Variants in LATS2 observed in about 807,000 individuals in gnomAD.
LATS2 encodes the protein large tumor suppressor kinase 2.
A neutral mutation model predicts 76.0 loss-of-function variants in LATS2; 24 were observed. The ratio of observed to expected loss-of-function variants is 0.32; its 90% CI spans 0.23 to 0.44. The LOEUF is 0.44. Among genes scored for constraint, LATS2 ranks in the 20% least tolerant of loss-of-function variants. The pLI, the probability that LATS2 is intolerant of heterozygous loss-of-function variation, is 1.00. For synonymous variants in LATS2, 692 were observed against 635.4 expected (o/e 1.09, Z -1.34); for missense variants, 1,286 against 1,481.2 (o/e 0.87, Z 2.16).
chr13:20,975,246 G>T lies in LATS2; in HGVS notation c.2891C>A (p.Ala964Asp), dbSNP rs377469118. Residue 964 changes from alanine to aspartate, a missense_variant, in exon 8 of 8, where the codon GCC becomes GAC. By Grantham distance (126) the Ala-to-Asp change is moderately radical. This residue lies in a region of LATS2 where 210 missense variants were observed against 234.9 expected (regional missense o/e 0.89). Transcript: ENST00000382592. Reference sequence around the variant, plus strand: ...GAAGGGGTGGGCCTTCAGGTCATCGGCCCCATTCCGCCCCAGGCGGTGGTC... The same window carrying T: ...GAAGGGGTGGGCCTTCAGGTCATCGTCCCCATTCCGCCCCAGGCGGTGGTC... Reference protein sequence around the residue: ...SADHRLGRNGADDLKAHPFFS... With the variant: ...SADHRLGRNGDDDLKAHPFFS... 320 of 1,614,110 alleles carry T rather than the reference G, an allele frequency of 2.0e-4. No individual in the cohort carries two copies. The highest frequency in any genetic ancestry group is 2.5e-4 in the Non-Finnish European group (300 of 1,180,044).
chr13:20,975,829 G>A (rs1047396470), intron 7 of LATS2, among the ~76,000 whole-genome samples: 21 of 152,060 alleles, frequency 1.4e-4, no homozygotes, highest in South Asian at 2.1e-4. Context: ...GATTACAGGC[G>A]CCTGCCACCA....
Position 20,987,224 on chromosome 13 carries a change from TAA to T in LATS2, c.1899+655_1899+656del, listed in dbSNP as rs11434989. On this transcript the variant is annotated intron_variant, in intron 4 of 7. Transcript: ENST00000382592. ...TAAATTAAAAAATAAAAAATAAAAA[TAA>T]AAAAAACACAAATGAAAAGTATATC... Among the ~76,000 whole-genome samples the T allele has an allele frequency of 4.6e-5, 6 of 129,938 alleles. No homozygotes were observed. The East Asian group carries it at 6.0e-4, about 13-fold the overall frequency. 85.2% of individuals were successfully genotyped at this position (129,938 alleles called of 152,430 possible).
chr13:20,984,087 T>A (rs116651324), intron 4 of LATS2, among the ~76,000 whole-genome samples: 1,687 of 152,290 alleles, frequency 0.011, 30 homozygotes, highest in African/African-American at 0.039. Flanking sequence ...CCCGCCACCA[T>A]GACACCTGGC....
intron 2 of LATS2, among the ~76,000 whole-genome samples, chr13:21,000,378 CATAATA>C (rs746861687): frequency 8.0e-5 from 12 of 150,762 alleles, no homozygotes; most frequent in Non-Finnish European, 1.2e-4. Flanking sequence ...AAGACTCTGT[CATAATA>C]ATAATAATAA....
chr13:21,019,493 A>ATTTTTTTTTTTTTT (rs67762203), intron 2 of LATS2, among the ~76,000 whole-genome samples: 6 of 132,624 alleles, frequency 4.5e-5, no homozygotes, highest in South Asian at 2.4e-4. Context: ...CGCCCAGCTA[A>ATTTTTTTTTTTTTT]TTTTTTTTTT....
intron 2 of LATS2, among the ~76,000 whole-genome samples, chr13:21,030,866 T>C (rs1391222026): frequency 1.3e-5 from 2 of 152,120 alleles, no homozygotes; most frequent in East Asian, 1.9e-4. Flanking sequence ...TTTCCCCCCA[T>C]ACACCCACCC....
Position 20,988,091 on chromosome 13 carries a change from C to G in LATS2, c.1689G>C (p.Gly563=). 3 of 1,614,260 alleles carry G rather than the reference C, an allele frequency of 1.9e-6. No individual in the cohort carries two copies. Among genetic ancestry groups the G allele is most frequent in the Non-Finnish European group, 2.5e-6 (3 of 1,180,040 alleles). ...GGDKSRKSAK[G]DKGGKDKKQI... ...GCTTTTTATCCTTTCCGCCTTTGTCCCCCTTGGCGCTTTTGCGGCTCTTGT... is the reference window on the plus strand; with the variant it reads ...GCTTTTTATCCTTTCCGCCTTTGTCGCCCTTGGCGCTTTTGCGGCTCTTGT... The change falls in exon 4 of 8, where the codon GGG becomes GGC. Residue 563 remains glycine (G), a synonymous_variant. Coordinates refer to ENST00000382592, the MANE Select transcript of LATS2 (RefSeq NM_014572.3).
At chr13:21,055,818 G>A (rs1873429484) in intron 1 of LATS2, among the ~76,000 whole-genome samples, 1 of 152,170 alleles carries the variant, frequency 6.6e-6, no homozygotes, top group Admixed American at 6.5e-5. Flanking sequence ...TAATTAACTA[G>A]CAAAGCTGAA....
intron 5 of LATS2, 22 bp downstream of exon 5, chr13:20,983,202 T>A (rs757654065): frequency 6.5e-7 from 1 of 1,540,492 alleles, no homozygotes; most frequent in South Asian, 1.1e-5. Flanking sequence ...AGAAAGTGCA[T>A]GTGGCACACT....
intron 7 of LATS2, 98 bp downstream of exon 7, chr13:20,979,593 T>G: frequency 1.8e-6 from 1 of 556,550 alleles, no homozygotes; most frequent in African/African-American, 1.9e-5. Flanking sequence ...ATTCCTACCC[T>G]ACTCAGAATA....
At chr13:21,001,794 G>A (rs1428060822) in intron 2 of LATS2, among the ~76,000 whole-genome samples, 2 of 152,082 alleles carry the variant, frequency 1.3e-5, no homozygotes, top group Admixed American at 6.5e-5. Flanking sequence ...CAGAAGAATT[G>A]CTTGAACCTG....
chr13:20,994,604 TG>T (rs2138303539), intron 2 of LATS2, among the ~76,000 whole-genome samples: 1 of 152,260 alleles, frequency 6.6e-6, no homozygotes, highest in Non-Finnish European at 1.5e-5. Context: ...TAAGCATGTA[TG>T]GAGACCAAGC....
rs146479948 is a variant in LATS2 at position 21,043,198 on chromosome 13, C to T, written c.342+2487G>A. 3.4e-3 allele frequency among the ~76,000 whole-genome samples: 514 copies of T among 151,760 alleles called. 6 individuals are homozygous for T. The highest frequency in any genetic ancestry group is 0.012 in the African/African-American group (479 of 41,394). On this transcript the variant is annotated intron_variant, in intron 2 of 7. Coordinates refer to ENST00000382592, the MANE Select transcript of LATS2 (RefSeq NM_014572.3). Reference sequence around the variant, plus strand: ...GCTAAAAATACAAAAATTAGCCAGGCGTGGTGTTGCGTGCCTGTAATCGCA... The same window carrying T: ...GCTAAAAATACAAAAATTAGCCAGGTGTGGTGTTGCGTGCCTGTAATCGCA...
At chr13:21,013,396 C>G (rs943647309) in intron 2 of LATS2, among the ~76,000 whole-genome samples, 8 of 152,120 alleles carry the variant, frequency 5.3e-5, no homozygotes, top group Admixed American at 3.9e-4. Flanking sequence ...ATGATTATAC[C>G]TTATAAAAGT....
chr13:21,049,973 T>C (rs61391236), intron 1 of LATS2, among the ~76,000 whole-genome samples: 3,717 of 151,752 alleles, frequency 0.024, 138 homozygotes, highest in African/African-American at 0.085. Flanking sequence ...ATACAAAAAT[T>C]AGCCAGGTGT....
At chr13:21,028,943 T>C (rs1872419044) in intron 2 of LATS2, among the ~76,000 whole-genome samples, 2 of 152,248 alleles carry the variant, frequency 1.3e-5, no homozygotes, top group Admixed American at 6.5e-5. Context: ...TTGTATCCTG[T>C]GACCATGCTA....
At chr13:21,004,179 C>T (rs1871164553) in intron 2 of LATS2, among the ~76,000 whole-genome samples, 1 of 152,142 alleles carries the variant, frequency 6.6e-6, no homozygotes, top group Non-Finnish European at 1.5e-5. Flanking sequence ...TCACGCCTCA[C>T]CAACCCAGCA....
intron 1 of LATS2, among the ~76,000 whole-genome samples, chr13:21,059,598 A>C (rs578225874): frequency 4.9e-4 from 74 of 151,440 alleles, no homozygotes; most frequent in Non-Finnish European, 7.8e-4. Context: ...ACGTCTCAAA[A>C]AACAACAACA....
At chr13:21,038,801 ACC>A in intron 2 of LATS2, 1 of 152,222 alleles carries the variant, frequency 6.6e-6, no homozygotes, top group Non-Finnish European at 1.5e-5. Flanking sequence ...TCATGGAGAA[ACC>A]CCGTCTCTAT....
Sources: allele counts gnomAD v4.1 joint callset (sites outside exome capture counted in the v4.1 genomes callset), GRCh38; gene constraint gnomAD v4.1.1; regional missense constraint gnomAD v4.1.1; transcripts MANE v1.5; gene names NCBI Gene and HGNC (gene_info 2026-07-23, HGNC 2026-07-21).